Variants in RYR2 observed in about 807,000 individuals in gnomAD.
The protein encoded by RYR2 is cardiac muscle ryanodine receptor-calcium release channel.
RYR2 carries 227 observed loss-of-function variants against 601.1 expected under a neutral mutation model. That is an observed-to-expected ratio of 0.38 (90% CI 0.34 to 0.42). The LOEUF (loss-of-function observed/expected upper bound fraction) is 0.42, where lower values mean the gene tolerates loss of function less well. Among genes scored for constraint, RYR2 ranks in the 10% least tolerant of loss-of-function variants. RYR2 has a pLI of 1.00. For missense variants in RYR2, 4,646 were observed against 6,156.5 expected, an observed-to-expected ratio of 0.75 and a Z score of 8.21; for synonymous variants, 2,223 against 2,175.1, an observed-to-expected ratio of 1.02 and a Z score of -0.61.
intron 10 of RYR2, among the ~76,000 whole-genome samples, chr1:237,413,524 G>T (rs1487179726): frequency 6.6e-6 from 1 of 152,002 alleles, no homozygotes; most frequent in Non-Finnish European, 1.5e-5. Context: ...CATGCTATTT[G>T]TATCTTAGAG....
At chr1:237,111,660 G>T (rs1302962428) in intron 1 of RYR2, among the ~76,000 whole-genome samples, 9 of 151,482 alleles carry the variant, frequency 5.9e-5, no homozygotes, top group African/African-American at 9.7e-5. Flanking sequence ...GATAGTAAAT[G>T]GAAATGGCAA....
intron 27 of RYR2, among the ~76,000 whole-genome samples, chr1:237,552,731 A>G (rs1670527488): frequency 6.6e-6 from 1 of 151,972 alleles, no homozygotes. Context: ...GCTCAGTGGC[A>G]TTCCTTAAAT....
chr1:237,382,292 G>A (rs1701584939), intron 8 of RYR2, among the ~76,000 whole-genome samples: 1 of 152,026 alleles, frequency 6.6e-6, no homozygotes, highest in South Asian at 2.1e-4. Flanking sequence ...AAAGGGTGAT[G>A]GAAAATGCTT....
At chr1:237,503,536 G>A (rs751618307) in intron 22 of RYR2, 31 bp downstream of exon 22, 1 of 1,604,526 alleles carries the variant, frequency 6.2e-7, no homozygotes, top group South Asian at 1.1e-5. Flanking sequence ...GGCAATCACT[G>A]GTATTGCAGT....
At chr1:237,679,249 G>T (rs981564406) in intron 61 of RYR2, among the ~76,000 whole-genome samples, 44 of 152,200 alleles carry the variant, frequency 2.9e-4, no homozygotes, top group African/African-American at 1.0e-3. Context: ...TGTGTTGCCC[G>T]TATACTCAGC....
intron 2 of RYR2, among the ~76,000 whole-genome samples, chr1:237,276,744 A>C (rs899514671): frequency 1.3e-5 from 2 of 152,236 alleles, no homozygotes; most frequent in Non-Finnish European, 2.9e-5. Context: ...GAAATGAATA[A>C]TTTCAAGAAA....
intron 95 of RYR2, among the ~76,000 whole-genome samples, chr1:237,794,391 C>T (rs1349071586): frequency 6.6e-6 from 1 of 152,160 alleles, no homozygotes; most frequent in Non-Finnish European, 1.5e-5. Context: ...TTGAATTTTA[C>T]ACCTTGAATA....
At chr1:237,768,422 T>C (rs1694012251) in intron 84 of RYR2, among the ~76,000 whole-genome samples, 2 of 152,280 alleles carry the variant, frequency 1.3e-5, no homozygotes, top group South Asian at 4.1e-4. Context: ...GCGCAAAGAA[T>C]GAACTCAGAA....
intron 96 of RYR2, among the ~76,000 whole-genome samples, chr1:237,797,299 A>G (rs1415217343): frequency 6.6e-6 from 1 of 152,048 alleles, no homozygotes; most frequent in East Asian, 1.9e-4. Context: ...AATTATTCTA[A>G]TGATTGATAG....
At chr1:237,581,865 A>G (rs1347510060) in intron 29 of RYR2, among the ~76,000 whole-genome samples, 2 of 152,184 alleles carry the variant, frequency 1.3e-5, no homozygotes, top group South Asian at 2.1e-4. Context: ...AGAAATCAGG[A>G]CTGTGAGGCC....
chr1:237,049,752 TAGA>T (rs1661021231), intron 1 of RYR2, among the ~76,000 whole-genome samples: 1 of 152,098 alleles, frequency 6.6e-6, no homozygotes, highest in Admixed American at 6.5e-5. Context: ...GACAGGCATT[TAGA>T]AGGAGCTAGG....
chr1:237,311,469 C>A (rs1272156681), intron 2 of RYR2, among the ~76,000 whole-genome samples: 1 of 150,888 alleles, frequency 6.6e-6, no homozygotes, highest in Non-Finnish European at 1.5e-5. Context: ...ATGCAATGAC[C>A]TGAGAAAAAA....
intron 98 of RYR2, among the ~76,000 whole-genome samples, chr1:237,805,580 CAAAAA>C (rs772404939): frequency 1.5e-3 from 56 of 37,686 alleles, no homozygotes; most frequent in African/African-American, 4.2e-3. Flanking sequence ...GACTCTGTCT[CAAAAA>C]AAAAAAAAAA....
intron 2 of RYR2, among the ~76,000 whole-genome samples, chr1:237,286,440 A>G (rs997591848): frequency 4.6e-5 from 7 of 151,452 alleles, no homozygotes; most frequent in African/African-American, 1.5e-4. Flanking sequence ...ATGCCCTATC[A>G]TATGGTCTAT....
At chr1:237,658,064 T>A in intron 54 of RYR2, 42 bp downstream of exon 54, 1 of 1,125,040 alleles carries the variant, frequency 8.9e-7, no homozygotes, top group Non-Finnish European at 1.2e-6. Flanking sequence ...TCATTATTAA[T>A]GACTGGTCAC....
intron 3 of RYR2, among the ~76,000 whole-genome samples, chr1:237,339,709 T>A (rs917985077): frequency 2.0e-5 from 3 of 152,218 alleles, no homozygotes; most frequent in African/African-American, 7.2e-5. Context: ...TAGTTCTCTT[T>A]GCCCTGTTCT....
chr1:237,238,553 T>C (rs1336434804), intron 1 of RYR2, among the ~76,000 whole-genome samples: 1 of 152,222 alleles, frequency 6.6e-6, no homozygotes, highest in Non-Finnish European at 1.5e-5. Context: ...TTTACAGAGC[T>C]TGACTCTGCT....
At chr1:237,592,391 G>A (rs2148450087) in intron 32 of RYR2, among the ~76,000 whole-genome samples, 1 of 152,246 alleles carries the variant, frequency 6.6e-6, no homozygotes, top group East Asian at 1.9e-4. Flanking sequence ...CCAGTACTTT[G>A]GGAGTTAGAG....
intron 20 of RYR2, among the ~76,000 whole-genome samples, chr1:237,497,205 A>G (rs978283313): frequency 6.6e-6 from 1 of 152,210 alleles, no homozygotes; most frequent in African/African-American, 2.4e-5. Flanking sequence ...CTTCTGTTAG[A>G]TAATGTAATG....
Sources: gnomAD v4.1 joint callset for allele counts (sites outside exome capture counted in the v4.1 genomes callset) on GRCh38, gnomAD v4.1.1 for gene constraint, MANE v1.5 for transcripts, NCBI Gene and HGNC (gene_info 2026-07-23, HGNC 2026-07-21) for gene names.